Variants in UBR4 observed in about 807,000 individuals in gnomAD.
UBR4 encodes the protein ubiquitin protein ligase E3 component n-recognin 4.
UBR4 carries 124 observed loss-of-function variants against 575.6 expected under a neutral mutation model. The observed-to-expected ratio is 0.22, with a 90% CI of 0.19 to 0.25. The LOEUF is 0.25. Ranked by LOEUF, UBR4 falls within the 10% of genes least tolerant of loss-of-function variation. UBR4 has a pLI of 1.00. For synonymous variants in UBR4, 2,455 were observed against 2,473.7 expected, an observed-to-expected ratio of 0.99 and a Z score of 0.22; for missense variants, 4,818 against 6,478.8, an observed-to-expected ratio of 0.74 and a Z score of 8.80.
intron 103 of UBR4, chr1:19,079,109 T>A (rs2076235710): frequency 6.6e-6 from 1 of 152,166 alleles, no homozygotes; most frequent in South Asian, 2.1e-4. Flanking sequence ...AGTATTAAAA[T>A]GCATGGGTAT....
At chr1:19,087,664 A>G (rs1027098831) in intron 99 of UBR4, 152 bp downstream of exon 99, 19 of 588,754 alleles carry the variant, frequency 3.2e-5, no homozygotes, top group East Asian at 1.7e-4. Flanking sequence ...TCCTGCCTCT[A>G]AAGAGGACAG....
rs755648550 is a variant in UBR4, at chr1:19,146,875, G to T, written c.7755C>A (p.Pro2585=). 3 of 1,614,046 alleles carry T rather than the reference G, an allele frequency of 1.9e-6. No individual in the cohort carries two copies. In the African/African-American group the frequency reaches 4.0e-5, roughly 22 times the overall value. ...ACTCCGTAAAGTGGACAAGGTTGTT[G>T]GGGCGCATGATGGCAATGGAGCGAG... is the stretch of plus-strand genomic sequence containing the variant. The part of the protein sequence containing the change: ...ITARSIAIMR[P]NNLVHFTESK... Residue 2585 remains proline, a synonymous_variant, in exon 52 of 106, where the codon CCC becomes CCA. Transcript: ENST00000375254.
chr1:19,174,963 A>G lies in UBR4; in HGVS notation c.2844T>C (p.Leu948=). ...PEASEDDLNR[L]DSVACDVLFS... is the part of the protein sequence containing the mutation. ...TTAAAATTCCTAGTACCACAGAATC[A>G]AGTCGGTTCAAATCATCCTCTGAGG... Residue 948 remains leucine (L), a synonymous_variant, in exon 21 of 106, where the codon CTT becomes CTC. Coordinates refer to ENST00000375254, the MANE Select transcript of UBR4 (RefSeq NM_020765.3). 6.2e-7 allele frequency: 1 copy of G among 1,613,850 alleles called. No individual in the cohort carries two copies. The highest frequency in any genetic ancestry group is 1.3e-5 in the African/African-American group (1 of 75,042).
In UBR4 at chr1:19,117,034, A is replaced by C. The variant is rs982763336; in HGVS notation, c.10823+187T>G. On this transcript the variant is annotated intron_variant, in intron 73 of 105. Transcript: ENST00000375254. This position sits in a 1 kb window ranked among gnomAD's most constrained non-coding sequence, Gnocchi z 4.0. ...TATGGCTCCACTGGGCTAATTTAGA[A>C]ATAATCTTTGTCAACATGCTTAGAA... 1.3e-5 allele frequency among the ~76,000 whole-genome samples: 2 copies of C among 152,134 alleles called. No individual in the cohort carries two copies. Among genetic ancestry groups the C allele is most frequent in the African/African-American group, 4.8e-5 (2 of 41,420 alleles).
intron 8 of UBR4, 33 bp from the exon 9 acceptor site, chr1:19,193,590 G>C (rs1456449234): frequency 1.3e-6 from 2 of 1,584,596 alleles, no homozygotes; most frequent in Admixed American, 3.6e-5. Context: ...CTCAGCCATG[G>C]AGTGCATCCA....
intron 8 of UBR4, among the ~76,000 whole-genome samples, chr1:19,194,971 T>C (rs539115055): frequency 2.0e-5 from 3 of 149,546 alleles, no homozygotes; most frequent in African/African-American, 4.9e-5. Context: ...AAATAAATAA[T>C]GAAATCTGGC....
intron 27 of UBR4, 68 bp downstream of exon 27, chr1:19,169,367 A>G (rs1035870878): frequency 7.9e-6 from 11 of 1,391,676 alleles, no homozygotes; most frequent in African/African-American, 1.4e-5. Flanking sequence ...TAATTCCTTT[A>G]GGCTTAAGAA....
chr1:19,155,939 G>C (rs1232210841), intron 42 of UBR4, among the ~76,000 whole-genome samples: 1 of 152,180 alleles, frequency 6.6e-6, no homozygotes, highest in African/African-American at 2.4e-5. Context: ...GGTAGAACCA[G>C]AATCAATTCC....
At chr1:19,149,425 C>T (rs990023191) in intron 49 of UBR4, among the ~76,000 whole-genome samples, 7 of 152,106 alleles carry the variant, frequency 4.6e-5, no homozygotes, top group Non-Finnish European at 1.0e-4. Flanking sequence ...TTGGATAGAA[C>T]GAGCTCTCTA....
chr1:19,149,995 A>AAATCTTACAT (rs1553183902), intron 49 of UBR4, among the ~76,000 whole-genome samples: 5 of 152,136 alleles, frequency 3.3e-5, no homozygotes, highest in African/African-American at 1.2e-4. Flanking sequence ...AAGAAACTCA[A>AAATCTTACAT]AATCTTACAT....
chr1:19,095,223 C>T (rs754401946), intron 93 of UBR4, among the ~76,000 whole-genome samples, 198 bp from the exon 94 acceptor site: 4 of 152,220 alleles, frequency 2.6e-5, no homozygotes, highest in Non-Finnish European at 5.9e-5. Flanking sequence ...GGCAGCTTTG[C>T]TGCCCCAAGG....
chr1:19,159,410 ATT>A (rs574048984), intron 39 of UBR4, among the ~76,000 whole-genome samples: 27 of 152,320 alleles, frequency 1.8e-4, no homozygotes, highest in African/African-American at 4.8e-4. Flanking sequence ...GACAAACATT[ATT>A]TTGTAAGTTA....
chr1:19,138,202 A>C, intron 59 of UBR4, 21 bp from the exon 60 acceptor site: 1 of 1,485,436 alleles, frequency 6.7e-7, no homozygotes, highest in Non-Finnish European at 9.0e-7. Context: ...ATGGTTTAAA[A>C]AGCACAAATC....
chr1:19,160,877 G>C, intron 38 of UBR4, 40 bp downstream of exon 38: 1 of 1,597,270 alleles, frequency 6.3e-7, no homozygotes, highest in Non-Finnish European at 8.6e-7. Context: ...AACAGGCTCT[G>C]AACTCTGTCT....
chr1:19,196,465 A>G (rs1227911450), intron 8 of UBR4, among the ~76,000 whole-genome samples: 1 of 152,208 alleles, frequency 6.6e-6, no homozygotes, highest in African/African-American at 2.4e-5. Flanking sequence ...AAGACATACC[A>G]GAGATATGAT....
At chr1:19,167,948 T>C in intron 28 of UBR4, 79 bp downstream of exon 28, 1 of 1,407,414 alleles carries the variant, frequency 7.1e-7, no homozygotes, top group Non-Finnish European at 9.4e-7. Flanking sequence ...ACTACATAGT[T>C]ATAAAACTCT....
chr1:19,126,871 C>A (rs16862558), intron 63 of UBR4, among the ~76,000 whole-genome samples: 2,991 of 152,310 alleles, frequency 0.02, 41 homozygotes, highest in South Asian at 0.056. Context: ...CAAAGAAACA[C>A]ATCTGTTCTC....
chr1:19,209,980 G>A lies in UBR4; in HGVS notation c.176+93C>T, dbSNP rs2093236637. 7 of 1,390,434 alleles carry A rather than the reference G, an allele frequency of 5.0e-6. No homozygotes were observed. In the African/African-American group the frequency reaches 6.0e-5, roughly 12 times the overall value. 86.1% of individuals were successfully genotyped at this position (1,390,434 alleles called of 1,614,324 possible). ...GGCTGTGGCGGGGATCCTCAAGGGG[G>A]CAGGGGGCGGCCCGGAAAGCGGGTC... is the stretch of plus-strand genomic sequence containing the variant. On this transcript the variant is annotated intron_variant, in intron 1 of 105. Coordinates refer to ENST00000375254, the MANE Select transcript of UBR4 (RefSeq NM_020765.3).
intron 11 of UBR4, among the ~76,000 whole-genome samples, chr1:19,190,309 AAAAAT>A (rs1443353741): frequency 1.7e-5 from 2 of 121,182 alleles, no homozygotes; most frequent in East Asian, 5.6e-4. Context: ...AAAAAAAAAA[AAAAAT>A]ATATATATAT....
Sources: gnomAD v4.1 joint callset for allele counts (sites outside exome capture counted in the v4.1 genomes callset) on GRCh38, gnomAD v4.1.1 for gene constraint, Gnocchi (gnomAD v3.1) non-coding constraint, MANE v1.5 for transcripts, NCBI Gene and HGNC (gene_info 2026-07-23, HGNC 2026-07-21) for gene names.